Variants in INTS7 observed in about 807,000 individuals in gnomAD.
INTS7 encodes integrator complex subunit 7.
In INTS7, 46 loss-of-function variants were observed where a neutral mutation model predicts 109.2. The ratio of observed to expected loss-of-function variants is 0.42; its 90% CI spans 0.33 to 0.54. The LOEUF is 0.54. Ranked by LOEUF, INTS7 falls within the 20% of genes least tolerant of loss-of-function variation. INTS7 has a pLI of 0.07. For missense variants in INTS7, 929 were observed against 1,132.4 expected, an observed-to-expected ratio of 0.82 and a Z score of 2.58; for synonymous variants, 412 against 402.9, an observed-to-expected ratio of 1.02 and a Z score of -0.27.
Position 211,987,986 on chromosome 1 carries a change from G to A in INTS7, c.897C>T (p.Ala299=). The part of the protein sequence containing the change: ...RENIQALCEC[A]LQTPYDSLKL... ...TTAAGCTGTCATAAGGAGTCTGGAG[G>A]GCACACTCACAAAGTGCCTGGAATG... is the stretch of plus-strand genomic sequence containing the variant. The change falls in exon 8 of 20, where the codon GCC becomes GCT. Residue 299 remains alanine (A), a synonymous_variant. Coordinates refer to ENST00000366994, the MANE Select transcript of INTS7 (RefSeq NM_015434.4). 1 of 1,600,582 alleles carries A rather than the reference G, an allele frequency of 6.2e-7. No homozygotes were observed. Among genetic ancestry groups the A allele is most frequent in the Non-Finnish European group, 8.6e-7 (1 of 1,169,062 alleles).
chr1:211,941,873 T>A lies in INTS7; in HGVS notation c.2840A>T (p.Gln947Leu). 1 of 1,614,208 alleles carries A rather than the reference T, an allele frequency of 6.2e-7. No homozygotes were observed. The highest frequency in any genetic ancestry group is 8.5e-7 in the Non-Finnish European group (1 of 1,180,026). Residue 947 changes from glutamine (Q) to leucine (L), a missense_variant, in exon 20 of 20, where the codon CAG becomes CTG. Transcript: ENST00000366994. The stretch of plus-strand genomic sequence containing the variant: ...TTGCTGCTGCTGCTGTAATGGCTGC[T>A]GGGCTTGCTGCTGTTGTAAGCGAAT... ...QQIRLQQQQA[Q>L]QPLQQQQQRN...
chr1:211,982,943 T>C (rs2102429913), intron 8 of INTS7, 133 bp from the exon 9 acceptor site: 2 of 615,286 alleles, frequency 3.3e-6, no homozygotes, highest in South Asian at 5.0e-5. Context: ...CCTACCACAA[T>C]CCCACTATCA....
Position 212,020,112 on chromosome 1 carries a change from C to A in INTS7, c.371+10G>T. On this transcript the variant is annotated intron_variant, in intron 3 of 19. Transcript: ENST00000366994. ...AATCTCATAGTGAATTATTATAATACGGTATATACCGGAGGGTGATGGCTC... is the reference window on the plus strand; with the variant it reads ...AATCTCATAGTGAATTATTATAATAAGGTATATACCGGAGGGTGATGGCTC... 1.3e-6 allele frequency: 2 copies of A among 1,539,616 alleles called. No homozygotes were observed. The highest frequency in any genetic ancestry group is 8.8e-7 in the Non-Finnish European group (1 of 1,141,080).
At chr1:211,951,387 C>A (rs1424403700) in intron 17 of INTS7, among the ~76,000 whole-genome samples, 4 of 152,152 alleles carry the variant, frequency 2.6e-5, no homozygotes, top group African/African-American at 9.7e-5. Context: ...CAGCTCACTG[C>A]AACCTCCGCC....
intron 2 of INTS7, chr1:212,020,646 G>A: frequency 1.6e-6 from 1 of 628,558 alleles, no homozygotes; most frequent in Non-Finnish European, 2.0e-6. Flanking sequence ...ACGAGTGCAT[G>A]GAGAATGGCA....
Position 211,940,920 on chromosome 1 carries a change from T to G in INTS7, c.*904A>C, listed in dbSNP as rs974073406. ...ACACATCAGAAAAAACAAATTAATT[T>G]TCTATGAAATTGCTAGCTGCTCTTT... is the stretch of plus-strand genomic sequence containing the variant. On this transcript the variant is annotated 3_prime_UTR_variant, in exon 20 of 20. Transcript: ENST00000366994. 1 of 152,222 alleles carries G rather than the reference T, an allele frequency of 6.6e-6. No individual in the cohort carries two copies. The highest frequency in any genetic ancestry group is 1.5e-5 in the Non-Finnish European group (1 of 68,040). The allele number at this position is 152,222 out of a possible 1,614,324, so 9.4% of individuals were successfully genotyped here. A position where few individuals can be genotyped will look rare whatever the true frequency, so the allele number is the denominator to read the frequency against.
chr1:212,006,187 C>T (rs1665902123), intron 7 of INTS7, among the ~76,000 whole-genome samples: 1 of 152,150 alleles, frequency 6.6e-6, no homozygotes, highest in South Asian at 2.1e-4. Context: ...GTGAGATCTG[C>T]TCTTCTGTTT....
chr1:211,996,262 A>G (rs1007701732), intron 7 of INTS7, among the ~76,000 whole-genome samples: 1 of 152,072 alleles, frequency 6.6e-6, no homozygotes, highest in Non-Finnish European at 1.5e-5. Context: ...TCTCTACTAA[A>G]AATATAAAAA....
At chr1:211,945,247 G>A (rs1444384792) in intron 18 of INTS7, among the ~76,000 whole-genome samples, 1 of 152,166 alleles carries the variant, frequency 6.6e-6, no homozygotes, top group Non-Finnish European at 1.5e-5. Flanking sequence ...TTTGTGGTGA[G>A]GCATTTCTTT....
intron 7 of INTS7, among the ~76,000 whole-genome samples, chr1:211,991,932 G>C (rs1012067469): frequency 4.6e-5 from 7 of 152,224 alleles, no homozygotes; most frequent in Admixed American, 6.5e-5. Context: ...CAAATGTAAA[G>C]TGCCTAAGCA....
At chr1:212,006,612 A>G (rs1312834596) in intron 7 of INTS7, 27 bp downstream of exon 7, 3 of 1,234,436 alleles carry the variant, frequency 2.4e-6, no homozygotes, top group Non-Finnish European at 1.1e-6. Context: ...TATTTTTTCT[A>G]TATAAAATGT....
rs755641486 is a variant in INTS7, at chr1:211,966,494, G to A, written c.2119C>T (p.Gln707Ter). The part of the protein sequence containing the change: ...SATLRNVELQ[Q>*]QSCLLISHAI... ...TGAGATATCAGTAAACAGCTCTGCT[G>A]CTGTCTGGATTGATGTTAAGGTTAC... Residue 707 changes from glutamine to a stop codon, truncating the protein, a stop_gained, in exon 16 of 20, where the codon CAG becomes TAG. Transcript: ENST00000366994. LOFTEE classifies it high-confidence loss of function. 1 of 1,604,674 alleles carries A rather than the reference G, an allele frequency of 6.2e-7. No homozygotes were observed. Among genetic ancestry groups the A allele is most frequent in the Non-Finnish European group, 8.5e-7 (1 of 1,172,926 alleles).
chr1:211,976,262 G>A (rs188945943), intron 12 of INTS7, among the ~76,000 whole-genome samples: 59 of 152,290 alleles, frequency 3.9e-4, no homozygotes, highest in African/African-American at 1.1e-3. Context: ...GTGGTATACT[G>A]AGAAAGGAAG....
At chr1:211,996,652 C>G (rs1329078653) in intron 7 of INTS7, among the ~76,000 whole-genome samples, 1 of 152,114 alleles carries the variant, frequency 6.6e-6, no homozygotes, top group African/African-American at 2.4e-5. Context: ...AAAAAAATCA[C>G]TTACAGTAGC....
At chr1:212,000,634 A>G (rs1251708924) in intron 7 of INTS7, among the ~76,000 whole-genome samples, 4 of 152,208 alleles carry the variant, frequency 2.6e-5, no homozygotes, top group African/African-American at 9.6e-5. Flanking sequence ...AATATCTTAC[A>G]TGGCAATCCT....
At chr1:211,993,679 CAAA>C (rs1333287349) in intron 7 of INTS7, among the ~76,000 whole-genome samples, 2 of 54,784 alleles carry the variant, frequency 3.7e-5, no homozygotes, top group Admixed American at 2.1e-4. Flanking sequence ...GACTAAAACT[CAAA>C]AAAAAAAAAA....
intron 16 of INTS7, 136 bp from the exon 17 acceptor site, chr1:211,952,837 T>G: frequency 1.1e-6 from 1 of 879,094 alleles, no homozygotes; most frequent in Non-Finnish European, 1.7e-6. Flanking sequence ...GGTGAGAAAA[T>G]TGAGGCTAGG....
chr1:211,948,068 T>C (rs17700264), intron 17 of INTS7, among the ~76,000 whole-genome samples: 47,007 of 152,166 alleles, frequency 0.31, 8,887 homozygotes, highest in Middle Eastern at 0.43. Flanking sequence ...ACACCACAGG[T>C]TGAAAACTGC....
chr1:211,941,967 T>C lies in INTS7; in HGVS notation c.2746A>G (p.Ile916Val), dbSNP rs2102373766. ...VESSVKDANGIVWKTGPRTTI... is the reference protein window; with the variant it reads ...VESSVKDANGVVWKTGPRTTI... ...GTTCTGGGACCAGTCTTCCATACTATACCATTGGCATCTTTCACAGAAGAT... is the reference window on the plus strand; with the variant it reads ...GTTCTGGGACCAGTCTTCCATACTACACCATTGGCATCTTTCACAGAAGAT... The change falls in exon 20 of 20, where the codon ATA (isoleucine) becomes GTA (valine). Residue 916 changes from isoleucine to valine, a missense_variant. Physicochemically the swap from Ile to Val is conservative, Grantham distance 29. Around this residue, in one of 2 missense-constraint regions of INTS7, gnomAD observed 787 missense variants for 901.1 expected, o/e 0.87. Coordinates refer to ENST00000366994, the MANE Select transcript of INTS7 (RefSeq NM_015434.4). 10 of 1,614,250 alleles carry C rather than the reference T, an allele frequency of 6.2e-6. No homozygotes were observed. The highest frequency in any genetic ancestry group is 1.3e-5 in the African/African-American group (1 of 75,070).
Sources: allele counts gnomAD v4.1 joint callset (sites outside exome capture counted in the v4.1 genomes callset), GRCh38; gene constraint gnomAD v4.1.1; regional missense constraint gnomAD v4.1.1; transcripts MANE v1.5; gene names NCBI Gene and HGNC (gene_info 2026-07-23, HGNC 2026-07-21).